Variants in BRD4 observed in about 807,000 individuals in gnomAD.
The protein encoded by BRD4 is bromodomain containing 4, also known as bromodomain-containing protein 4.
Under a neutral mutation model 142.1 loss-of-function variants are expected in BRD4, and 16 were observed. That is an observed-to-expected ratio of 0.11 (90% CI 0.08 to 0.17). BRD4 has a LOEUF of 0.17. BRD4 is among the 10% of genes least tolerant of loss of function. The probability of loss-of-function intolerance (pLI) is 1.00; values close to 1 mark genes in which losing one functional copy is unlikely to be tolerated. For synonymous variants in BRD4, 833 were observed against 707.5 expected, an observed-to-expected ratio of 1.18 and a Z score of -2.82; for missense variants, 1,424 against 1,810.9, an observed-to-expected ratio of 0.79 and a Z score of 3.88.
At chr19:15,272,782 A>ACGT (rs1389854728) in intron 2 of BRD4, 33 bp downstream of exon 2, 1 of 1,591,914 alleles carries the variant, frequency 6.3e-7, no homozygotes, top group Non-Finnish European at 8.6e-7. Context: ...GACCTCCAGG[A>ACGT]CGGCCACCCT....
At chr19:15,292,474 T>C (rs1351488022) in intron 1 of BRD4, among the ~76,000 whole-genome samples, 1 of 152,050 alleles carries the variant, frequency 6.6e-6, no homozygotes, top group East Asian at 1.9e-4. Context: ...AAAACAACTG[T>C]AGATGTTTCG....
intron 7 of BRD4, 103 bp from the exon 8 acceptor site, chr19:15,257,276 C>T (rs985508144): frequency 1.7e-6 from 2 of 1,148,368 alleles, no homozygotes; most frequent in Non-Finnish European, 2.4e-6. Flanking sequence ...CAGAAAGCAA[C>T]CGAGGGCGAA....
At chr19:15,323,005 AT>A (rs2048077166) in intron 1 of BRD4, among the ~76,000 whole-genome samples, 1 of 151,606 alleles carries the variant, frequency 6.6e-6, no homozygotes, top group Non-Finnish European at 1.5e-5. Context: ...AGCTGAAATC[AT>A]ACCACTGCAC....
intron 2 of BRD4, 90 bp downstream of exon 2, chr19:15,272,725 C>T: frequency 7.8e-7 from 1 of 1,289,964 alleles, no homozygotes; most frequent in Non-Finnish European, 1.1e-6. Flanking sequence ...AATGCATCTC[C>T]TACCCTCCCC....
chr19:15,243,539 C>CAG, intron 13 of BRD4, 52 bp from the exon 14 acceptor site: 1 of 1,490,704 alleles, frequency 6.7e-7, no homozygotes, highest in Non-Finnish European at 8.9e-7. Flanking sequence ...GTGGCCCCAG[C>CAG]CTGGCCTTTC....
At position 15,237,017 on chromosome 19, in the gene BRD4, T is replaced by TAAAAAAAA. The variant is rs762817978; in HGVS notation, c.*1352_*1359dup. The TAAAAAAAA allele has an allele frequency of 4.5e-5, 5 of 111,386 alleles. No homozygotes were observed. Among genetic ancestry groups the TAAAAAAAA allele is most frequent in the Admixed American group, 1.1e-4 (1 of 8,864 alleles). 6.9% of individuals were successfully genotyped at this position (111,386 alleles called of 1,614,324 possible). A position where few individuals can be genotyped will look rare whatever the true frequency, so the allele number is the denominator to read the frequency against. On this transcript the variant is annotated 3_prime_UTR_variant, in exon 20 of 20. Coordinates refer to ENST00000679869, the MANE Select transcript of BRD4 (RefSeq NM_001379291.1). Reference sequence around the variant, plus strand: ...CACCAGGGGCTCCAATTATAAAAATTAAAAAAAAAAAAAAAAAAAAGCATG... The same window carrying TAAAAAAAA: ...CACCAGGGGCTCCAATTATAAAAATTAAAAAAAAAAAAAAAAAAAAAAAAAAAAGCATG...
chr19:15,311,571 A>C (rs1007285065), intron 1 of BRD4, among the ~76,000 whole-genome samples: 1 of 151,956 alleles, frequency 6.6e-6, no homozygotes, highest in African/African-American at 2.4e-5. Flanking sequence ...TGGGTGGATC[A>C]CCTGAGATCA....
Position 15,240,997 on chromosome 19 carries a change from T to C in BRD4, c.3170-975A>G, listed in dbSNP as rs548841700. Among the ~76,000 whole-genome samples the C allele has an allele frequency of 5.9e-4, 90 of 152,212 alleles. 1 individual carries two copies. In the South Asian group the frequency reaches 0.018, roughly 31 times the overall value. ...TGCTGGCTGGAGGCATCTATTTTCA[T>C]AGGCCTGGAGCAAACCACAATGCCC... is the stretch of plus-strand genomic sequence containing the variant. On this transcript the variant is annotated intron_variant, in intron 14 of 19. Coordinates refer to ENST00000679869, the MANE Select transcript of BRD4 (RefSeq NM_001379291.1).
At chr19:15,257,590 GAGAGGGCATTCC>G (rs2047426047) in intron 7 of BRD4, among the ~76,000 whole-genome samples, 1 of 152,134 alleles carries the variant, frequency 6.6e-6, no homozygotes, top group African/African-American at 2.4e-5. Context: ...TCTGTGGTTT[GAGAGGGCATTCC>G]AGGCAGAGGA....
At chr19:15,301,904 C>T (rs954441057) in intron 1 of BRD4, among the ~76,000 whole-genome samples, 3 of 149,124 alleles carry the variant, frequency 2.0e-5, no homozygotes, top group African/African-American at 5.0e-5. Context: ...CTGAGTCTCA[C>T]GCCTATGGTC....
At chr19:15,299,423 T>C (rs950867294) in intron 1 of BRD4, among the ~76,000 whole-genome samples, 1 of 152,186 alleles carries the variant, frequency 6.6e-6, no homozygotes. Context: ...CGCACACAGA[T>C]TGCTATGCTA....
chr19:15,322,846 GAT>G (rs1599530406), intron 1 of BRD4, among the ~76,000 whole-genome samples: 2 of 131,450 alleles, frequency 1.5e-5, no homozygotes, highest in East Asian at 4.5e-4. Context: ...TAGCCTGGGA[GAT>G]AGAGAGAGAC....
In BRD4 at chr19:15,256,386, T is replaced by C. The variant is rs1038202928; in HGVS notation, c.1552-123A>G. On this transcript the variant is annotated intron_variant, in intron 8 of 19. Transcript: ENST00000679869. Reference sequence around the variant, plus strand: ...CACCTGGGGCATCAGGGTGTGGGCATAGGGGAGGCAGGGGAAGGGAAGGCC... The same window carrying C: ...CACCTGGGGCATCAGGGTGTGGGCACAGGGGAGGCAGGGGAAGGGAAGGCC... 23 of 1,255,930 alleles carry C rather than the reference T, an allele frequency of 1.8e-5. No homozygotes were observed. In the East Asian group the frequency reaches 2.1e-4, roughly 11 times the overall value. 77.8% of individuals were successfully genotyped at this position (1,255,930 alleles called of 1,614,324 possible).
rs1307714030 is a variant in BRD4 at position 15,313,624 on chromosome 19, C to T, written c.-35+18666G>A. On this transcript the variant is annotated intron_variant, in intron 1 of 19. Transcript: ENST00000679869. ...CCGGCAGGCGGAGGTTGCAGTGAGC[C>T]GAGATTGCGCACTGCACTCCAGCCT... Among the ~76,000 whole-genome samples, 3 of 147,142 alleles carry T rather than the reference C, an allele frequency of 2.0e-5. 1 individual carries two copies. The highest frequency in any genetic ancestry group is 2.1e-4 in the East Asian group (1 of 4,852).
Position 15,243,271 on chromosome 19 carries a change from T to C in BRD4, c.2798A>G (p.Gln933Arg). 6.9e-7 allele frequency: 1 copy of C among 1,441,644 alleles called. No individual in the cohort carries two copies. The highest frequency in any genetic ancestry group is 9.2e-7 in the Non-Finnish European group (1 of 1,088,292). The allele number at this position is 1,441,644 out of a possible 1,614,324, so 89.3% of individuals were successfully genotyped here. A position where few individuals can be genotyped will look rare whatever the true frequency, so the allele number is the denominator to read the frequency against. ...LTSMQMQLYL[Q>R]QLQKVQPPTP... is the part of the protein sequence containing the mutation. ...AGGGGGCTGCACCTTCTGCAGCTGC[T>C]GCAGGTACAGCTGCATCTGCATGGA... Residue 933 changes from glutamine (Q) to arginine (R), a missense_variant, in exon 14 of 20, where the codon CAG becomes CGG. Physicochemically the swap from Gln to Arg is conservative, Grantham distance 43. This residue lies in a region of BRD4 where 598 missense variants were observed against 647.8 expected (regional missense o/e 0.92). Transcript: ENST00000679869.
At chr19:15,280,946 T>C (rs2047699059) in intron 1 of BRD4, among the ~76,000 whole-genome samples, 1 of 152,234 alleles carries the variant, frequency 6.6e-6, no homozygotes, top group Non-Finnish European at 1.5e-5. Context: ...GAAATGCTGA[T>C]TACACAACAT....
chr19:15,260,272 T>C (rs776205873), intron 7 of BRD4, among the ~76,000 whole-genome samples: 2 of 152,200 alleles, frequency 1.3e-5, no homozygotes, highest in Non-Finnish European at 2.9e-5. Flanking sequence ...ACTTTCCAGA[T>C]AATCCCACTT....
intron 7 of BRD4, among the ~76,000 whole-genome samples, chr19:15,258,624 GAGAT>G (rs1331846829): frequency 6.6e-6 from 1 of 151,830 alleles, no homozygotes; most frequent in African/African-American, 2.4e-5. Context: ...CTTCTTTTTG[GAGAT>G]AGGGCCTTGC....
At chr19:15,299,241 G>C (rs2047848528) in intron 1 of BRD4, among the ~76,000 whole-genome samples, 2 of 152,176 alleles carry the variant, frequency 1.3e-5, no homozygotes, top group South Asian at 4.1e-4. Context: ...ATCACATAGA[G>C]AATGAACAGA....
Sources: gnomAD v4.1 joint callset for allele counts (sites outside exome capture counted in the v4.1 genomes callset) on GRCh38, gnomAD v4.1.1 for gene constraint, gnomAD v4.1.1 regional missense constraint, MANE v1.5 for transcripts, NCBI Gene and HGNC (gene_info 2026-07-23, HGNC 2026-07-21) for gene names.